The following MMP25 variants were observed in gnomAD, a reference collection of about 807,000 sequenced individuals.
The protein encoded by MMP25 is matrix metallopeptidase 25, also known as matrix metalloproteinase-25.
MMP25 carries 68 observed loss-of-function variants against 62.1 expected under a neutral mutation model. That is an observed-to-expected ratio of 1.10 (90% CI 0.90 to 1.34). The LOEUF (loss-of-function observed/expected upper bound fraction) is 1.34, where lower values mean the gene tolerates loss of function less well. Among genes scored for constraint, MMP25 ranks in the 40% most tolerant of loss-of-function variants. The probability of loss-of-function intolerance (pLI) is 0.00; values close to 1 mark genes in which losing one functional copy is unlikely to be tolerated. For synonymous variants in MMP25, 407 were observed against 345.6 expected, an observed-to-expected ratio of 1.18 and a Z score of -1.97; for missense variants, 942 against 792.5, an observed-to-expected ratio of 1.19 and a Z score of -2.26.
At chr16:3,057,726 T>C in intron 7 of MMP25, 113 bp downstream of exon 7, 1 of 983,492 alleles carries the variant, frequency 1.0e-6, no homozygotes. Flanking sequence ...TGAGACAGGG[T>C]CTTGCTTTGT....
Position 3,046,961 on chromosome 16 carries a change from T to C in MMP25, c.44T>C (p.Leu15Pro). 4.1e-6 allele frequency: 6 copies of C among 1,473,996 alleles called. No individual in the cohort carries two copies. The highest frequency in any genetic ancestry group is 4.5e-6 in the Non-Finnish European group (5 of 1,120,754). The allele number at this position is 1,473,996 out of a possible 1,614,324, so 91.3% of individuals were successfully genotyped here. A position where few individuals can be genotyped will look rare whatever the true frequency, so the allele number is the denominator to read the frequency against. Reference sequence around the variant, plus strand: ...CTTCTGGCGCTGCTGCTTCTGCTGCTGGCACCGCCCGCGCGCGCCCCGAAG... The same window carrying C: ...CTTCTGGCGCTGCTGCTTCTGCTGCCGGCACCGCCCGCGCGCGCCCCGAAG... ...LRLLALLLLLLAPPARAPKPS... is the reference protein window; with the variant it reads ...LRLLALLLLLPAPPARAPKPS... The change falls in exon 1 of 10, where the codon CTG becomes CCG. Residue 15 changes from leucine (L) to proline (P), a missense_variant. Physicochemically the swap from Leu to Pro is moderately conservative, Grantham distance 98. Transcript: ENST00000336577.
Position 3,047,522 on chromosome 16 carries a change from G to T in MMP25, c.207G>T (p.Ala69=), listed in dbSNP as rs763854429. Reference sequence around the variant, plus strand: ...CCATCAAAGTCATGCAGAGGTTCGCGGGGCTGCCGGAGACCGGCCGCATGG... The same window carrying T: ...CCATCAAAGTCATGCAGAGGTTCGCTGGGCTGCCGGAGACCGGCCGCATGG... ...RDAIKVMQRF[A]GLPETGRMDP... is the part of the protein sequence containing the mutation. Residue 69 remains alanine (A), a synonymous_variant, in exon 2 of 10, where the codon GCG becomes GCT. Coordinates refer to ENST00000336577, the MANE Select transcript of MMP25 (RefSeq NM_022468.5). 3.7e-6 allele frequency: 6 copies of T among 1,613,400 alleles called. No individual in the cohort carries two copies. In the African/African-American group the frequency reaches 4.0e-5, roughly 11 times the overall value.
intron 2 of MMP25, among the ~76,000 whole-genome samples, chr16:3,048,875 G>C (rs1313314710): frequency 6.6e-6 from 1 of 150,708 alleles, no homozygotes; most frequent in Admixed American, 6.6e-5. Context: ...GCGCAATCTC[G>C]GCTCATTGCA....
At chr16:3,049,773 G>A (rs1224567994) in intron 2 of MMP25, among the ~76,000 whole-genome samples, 1 of 152,226 alleles carries the variant, frequency 6.6e-6, no homozygotes, top group Admixed American at 6.5e-5. Context: ...CCTGCATGCA[G>A]CCAGTTTGTC....
Position 3,059,282 on chromosome 16 carries a change from G to C in MMP25, c.*184G>C. ...GGCGGCGGCGGGGACCGGTCGCCTG[G>C]CGCTGGGCTCAGTCTCCTCAGGGTC... is the stretch of plus-strand genomic sequence containing the variant. On this transcript the variant is annotated 3_prime_UTR_variant, in exon 10 of 10. Coordinates refer to ENST00000336577, the MANE Select transcript of MMP25 (RefSeq NM_022468.5). 1 of 689,898 alleles carries C rather than the reference G, an allele frequency of 1.4e-6. No homozygotes were observed. The allele number at this position is 689,898 out of a possible 1,614,324, so 42.7% of individuals were successfully genotyped here.
chr16:3,055,331 GGAA>G (rs1173910810), intron 4 of MMP25, among the ~76,000 whole-genome samples: 1 of 152,150 alleles, frequency 6.6e-6, no homozygotes, highest in African/African-American at 2.4e-5. Context: ...GACAAGGCAG[GGAA>G]GAAGGTGAGA....
chr16:3,056,848 T>C, intron 4 of MMP25, 185 bp from the exon 5 acceptor site: 1 of 584,650 alleles, frequency 1.7e-6, no homozygotes, highest in South Asian at 2.2e-5. Context: ...ATCACAGCCA[T>C]GCTGACTGAG....
rs1955885647 is a variant in MMP25, at chr16:3,050,419, C to T, written c.534C>T (p.Phe178=). ...TCCTCATCGACTTTGCCCGCGCCTT[C>T]CACCAGGACAGCTACCCCTTCGACG... The part of the protein sequence containing the change: ...PDILIDFARA[F]HQDSYPFDGL... Residue 178 remains phenylalanine (F), a synonymous_variant, in exon 4 of 10, where the codon TTC becomes TTT. Transcript: ENST00000336577. 3.7e-6 allele frequency: 6 copies of T among 1,613,922 alleles called. No homozygotes were observed. The Middle Eastern group carries it at 4.9e-4, about 133-fold the overall frequency.
intron 4 of MMP25, chr16:3,051,777 G>C (rs1018181789): frequency 6.6e-6 from 1 of 152,114 alleles, no homozygotes; most frequent in African/African-American, 2.4e-5. Context: ...TTGGCCCAAA[G>C]CTCTTGGGCA....
rs1956075772 is a variant in MMP25, at chr16:3,059,296, C to T, written c.*198C>T. ...CCGGTCGCCTGGCGCTGGGCTCAGT[C>T]TCCTCAGGGTCTGAGACCCCGGCGC... On this transcript the variant is annotated 3_prime_UTR_variant, in exon 10 of 10. Transcript: ENST00000336577. The T allele has an allele frequency of 1.7e-6, 1 of 598,114 alleles. No homozygotes were observed. Among genetic ancestry groups the T allele is most frequent in the Admixed American group, 3.5e-5 (1 of 28,930 alleles). 37.1% of individuals were successfully genotyped at this position (598,114 alleles called of 1,614,324 possible). A position where few individuals can be genotyped will look rare whatever the true frequency, so the allele number is the denominator to read the frequency against.
At position 3,059,377 on chromosome 16, in the gene MMP25, T is replaced by G; in HGVS notation, c.*279T>G. 3.0e-6 allele frequency: 1 copy of G among 331,614 alleles called. No individual in the cohort carries two copies. Among genetic ancestry groups the G allele is most frequent in the Non-Finnish European group, 5.4e-6 (1 of 183,590 alleles). The allele number at this position is 331,614 out of a possible 1,614,324, so 20.5% of individuals were successfully genotyped here. On this transcript the variant is annotated 3_prime_UTR_variant, in exon 10 of 10. Transcript: ENST00000336577. ...GCGCGCTGGGACCATGCGTCGGTCG[T>G]CGCCCCCGTCGTTCCCTCCCGGCTG...
In MMP25 at chr16:3,050,046, C is replaced by T. The variant is rs1245187815; in HGVS notation, c.270C>T (p.Cys90=). 3.7e-6 allele frequency: 6 copies of T among 1,610,772 alleles called. No individual in the cohort carries two copies. The highest frequency in any genetic ancestry group is 1.1e-5 in the South Asian group (1 of 91,094). Residue 90 remains cysteine (C), a synonymous_variant, in exon 3 of 10, where the codon TGC becomes TGT. Transcript: ENST00000336577. ...TGGCCACCATGCGTAAGCCCCGCTG[C>T]TCCCTGCCTGACGTGCTGGGGGTGG... The part of the protein sequence containing the change: ...GTVATMRKPR[C]SLPDVLGVAG...
At position 3,058,338 on chromosome 16, in the gene MMP25, G is replaced by T; in HGVS notation, c.1159+5G>T. The T allele has an allele frequency of 6.5e-7, 1 of 1,549,390 alleles. No individual in the cohort carries two copies. The highest frequency in any genetic ancestry group is 1.2e-5 in the South Asian group (1 of 85,104). On this transcript the variant is annotated splice_donor_5th_base_variant and intron_variant, in intron 8 of 9. Coordinates refer to ENST00000336577, the MANE Select transcript of MMP25 (RefSeq NM_022468.5). Reference sequence around the variant, plus strand: ...GCCGAATCCTCCTCTTTAGCGGTGAGTGGGGCCGGCGGCGGGGCGCGCTGG... The same window carrying T: ...GCCGAATCCTCCTCTTTAGCGGTGATTGGGGCCGGCGGCGGGGCGCGCTGG...
Position 3,058,662 on chromosome 16 carries a change from C to T in MMP25, c.1410C>T (p.Ser470=), listed in dbSNP as rs751951982. Residue 470 remains serine, a synonymous_variant, in exon 9 of 10, where the codon AGC becomes AGT. Coordinates refer to ENST00000336577, the MANE Select transcript of MMP25 (RefSeq NM_022468.5). ...APPSPDDVTV[S]NAGDTYFFKG... ...CCTCCCCTGACGATGTCACCGTCAG[C>T]AACGCAGGTGGGGAGCGCGGTGACC... The T allele has an allele frequency of 1.3e-6, 2 of 1,598,880 alleles. No homozygotes were observed. The highest frequency in any genetic ancestry group is 8.5e-7 in the Non-Finnish European group (1 of 1,172,412).
At chr16:3,058,709 G>A in intron 9 of MMP25, 40 bp downstream of exon 9, 8 of 1,565,374 alleles carry the variant, frequency 5.1e-6, no homozygotes, top group Admixed American at 1.8e-5. Flanking sequence ...GGGCCTGGGG[G>A]TGGGGAGAGG....
intron 2 of MMP25, among the ~76,000 whole-genome samples, chr16:3,048,639 G>C (rs2360168): frequency 4.0e-5 from 6 of 151,722 alleles, no homozygotes; most frequent in African/African-American, 1.2e-4. Context: ...AAGACCCCAC[G>C]GCACGCAGAA....
chr16:3,048,617 CG>C (rs1319447762), intron 2 of MMP25, among the ~76,000 whole-genome samples: 2 of 151,980 alleles, frequency 1.3e-5, no homozygotes, highest in African/African-American at 2.4e-5. Context: ...AAGAGTGTCC[CG>C]GGCAAGTGCA....
rs202155408 is a variant in MMP25, at chr16:3,050,444, G to A, written c.559G>A (p.Gly187Arg). ...CCACCAGGACAGCTACCCCTTCGAC[G>A]GGTTGGGGGGCACCCTAGCCCATGC... ...AFHQDSYPFD[G>R]LGGTLAHAFF... Residue 187 changes from glycine (G) to arginine (R), a missense_variant, in exon 4 of 10, where the codon GGG becomes AGG. Coordinates refer to ENST00000336577, the MANE Select transcript of MMP25 (RefSeq NM_022468.5). 6 of 1,613,804 alleles carry A rather than the reference G, an allele frequency of 3.7e-6. No homozygotes were observed. The East Asian group carries it at 8.9e-5, about 24-fold the overall frequency.
chr16:3,047,637 C>T (rs1955839668), intron 2 of MMP25, 90 bp downstream of exon 2: 1 of 1,437,188 alleles, frequency 7.0e-7, no homozygotes, highest in African/African-American at 1.4e-5. Flanking sequence ...GCTCCTGGAA[C>T]ACGGAGCTGT....
Sources: gnomAD v4.1 joint callset for allele counts (sites outside exome capture counted in the v4.1 genomes callset) on GRCh38, gnomAD v4.1.1 for gene constraint, MANE v1.5 for transcripts, NCBI Gene and HGNC (gene_info 2026-07-23, HGNC 2026-07-21) for gene names.